The following SORCS2 variants were observed in gnomAD, a reference collection of about 807,000 sequenced individuals.
SORCS2 encodes sortilin related VPS10 domain containing receptor 2, also known as VPS10 domain-containing receptor SorCS2.
A neutral mutation model predicts 141.6 loss-of-function variants in SORCS2; 100 were observed. The ratio of observed to expected loss-of-function variants is 0.71; its 90% CI spans 0.60 to 0.83. SORCS2 has a LOEUF of 0.83. Ranked by LOEUF, SORCS2 falls within the 40% of genes least tolerant of loss-of-function variation. SORCS2 has a pLI of 0.00. For synonymous variants in SORCS2, 789 were observed against 676.9 expected (o/e 1.17, Z -2.57); for missense variants, 1,646 against 1,560.2 (o/e 1.05, Z -0.93).
chr4:7,571,312 G>A (rs895314381), intron 3 of SORCS2, among the ~76,000 whole-genome samples: 14 of 152,210 alleles, frequency 9.2e-5, no homozygotes, highest in Non-Finnish European at 1.3e-4. Context: ...CAGGACCCCT[G>A]TGCCCGGTGG....
At chr4:7,212,361 A>C (rs1728107083) in intron 1 of SORCS2, among the ~76,000 whole-genome samples, 1 of 152,190 alleles carries the variant, frequency 6.6e-6, no homozygotes, top group Non-Finnish European at 1.5e-5. Context: ...GCTGTGTACA[A>C]AAGGATGTGT....
intron 14 of SORCS2, among the ~76,000 whole-genome samples, chr4:7,711,099 G>A (rs987199631): frequency 1.3e-5 from 2 of 152,180 alleles, no homozygotes; most frequent in African/African-American, 4.8e-5. Flanking sequence ...GTCCAGCTAA[G>A]ACAGAGGGAG....
intron 1 of SORCS2, among the ~76,000 whole-genome samples, chr4:7,272,013 G>C (rs55837291): frequency 6.6e-6 from 1 of 152,092 alleles, no homozygotes; most frequent in Admixed American, 6.5e-5. Flanking sequence ...ATATGGGAAG[G>C]GTGTGTGTGC....
chr4:7,391,120 C>T (rs1408016593), intron 1 of SORCS2, among the ~76,000 whole-genome samples: 1 of 152,190 alleles, frequency 6.6e-6, no homozygotes, highest in African/African-American at 2.4e-5. Context: ...AGCCTGGCCA[C>T]CCTGCATCAC....
chr4:7,267,499 C>T (rs182531848), intron 1 of SORCS2, among the ~76,000 whole-genome samples: 4 of 152,094 alleles, frequency 2.6e-5, no homozygotes, highest in South Asian at 2.1e-4. Context: ...AAGCAGAACT[C>T]GCTGGATACA....
At chr4:7,472,592 T>C (rs1730043728) in intron 2 of SORCS2, among the ~76,000 whole-genome samples, 2 of 152,118 alleles carry the variant, frequency 1.3e-5, no homozygotes, top group African/African-American at 2.4e-5. Context: ...ACCCTCTCCC[T>C]CCTGCCCCCT....
At chr4:7,506,719 G>A (rs4689767) in intron 2 of SORCS2, among the ~76,000 whole-genome samples, 79,025 of 152,094 alleles carry the variant, frequency 0.52, 23,469 homozygotes, top group East Asian at 0.93. Flanking sequence ...GACATAGGCT[G>A]TGCATTGACT....
chr4:7,297,011 C>A (rs1196857522), intron 1 of SORCS2, among the ~76,000 whole-genome samples: 8 of 152,200 alleles, frequency 5.3e-5, no homozygotes, highest in Non-Finnish European at 1.2e-4. Context: ...TTTGAACTTG[C>A]AGCCGAACAC....
chr4:7,294,034 C>T (rs1338147556), intron 1 of SORCS2, among the ~76,000 whole-genome samples: 5 of 152,160 alleles, frequency 3.3e-5, no homozygotes, highest in African/African-American at 7.2e-5. Flanking sequence ...CCCCCTGGCT[C>T]TAGTGGCGTG....
At chr4:7,426,733 T>C (rs376905333) in intron 2 of SORCS2, among the ~76,000 whole-genome samples, 6 of 152,148 alleles carry the variant, frequency 3.9e-5, no homozygotes, top group South Asian at 2.1e-4. Flanking sequence ...TGTGTACTTA[T>C]GGGATGCCTG....
rs1287570614 is a variant in SORCS2 at position 7,714,234 on chromosome 4, C to T, written c.1990-6C>T. On this transcript the variant is annotated splice_polypyrimidine_tract_variant and splice_region_variant and intron_variant, in intron 15 of 26. Transcript: ENST00000507866. Reference sequence around the variant, plus strand: ...GCAGCTCCTTACCCTGATGTTCCTGCTGCAGGGCGACCGCTGTATCATGGG... The same window carrying T: ...GCAGCTCCTTACCCTGATGTTCCTGTTGCAGGGCGACCGCTGTATCATGGG... The T allele has an allele frequency of 3.7e-6, 6 of 1,609,374 alleles. No homozygotes were observed. The highest frequency in any genetic ancestry group is 4.2e-6 in the Non-Finnish European group (5 of 1,178,048).
intron 14 of SORCS2, among the ~76,000 whole-genome samples, chr4:7,709,005 C>T (rs1577101371): frequency 6.6e-6 from 1 of 152,182 alleles, no homozygotes; most frequent in African/African-American, 2.4e-5. Flanking sequence ...CCCCGGAGGC[C>T]GTGGTCTGGG....
rs1358257497 is a variant in SORCS2 at position 7,689,543 on chromosome 4, A to T, written c.1546A>T (p.Thr516Ser). 1 of 1,606,864 alleles carries T rather than the reference A, an allele frequency of 6.2e-7. No individual in the cohort carries two copies. The highest frequency in any genetic ancestry group is 1.7e-5 in the Admixed American group (1 of 59,386). Residue 516 changes from threonine (T) to serine (S), a missense_variant, in exon 11 of 27, where the codon ACC becomes TCC. By Grantham distance (58) the Thr-to-Ser change is moderately conservative. Coordinates refer to ENST00000507866, the MANE Select transcript of SORCS2 (RefSeq NM_020777.3). Reference sequence around the variant, plus strand: ...GGCAGACAACCCCTACGTATCAGGCACCGTGCACACCAAGGACACCGCCCC... The same window carrying T: ...GGCAGACAACCCCTACGTATCAGGCTCCGTGCACACCAAGGACACCGCCCC... ...RWADNPYVSG[T>S]VHTKDTAPGL...
intron 1 of SORCS2, among the ~76,000 whole-genome samples, chr4:7,341,548 TG>T (rs1388435842): frequency 2.8e-4 from 43 of 152,324 alleles, no homozygotes; most frequent in African/African-American, 1.0e-3. Context: ...CCATGCTGCC[TG>T]GATGAACAAG....
At chr4:7,607,827 G>A (rs1718157200) in intron 3 of SORCS2, among the ~76,000 whole-genome samples, 1 of 152,036 alleles carries the variant, frequency 6.6e-6, no homozygotes, top group Non-Finnish European at 1.5e-5. Context: ...GCAGAGATAG[G>A]TGCTCCTCAG....
chr4:7,477,349 C>T (rs62277641), intron 2 of SORCS2, among the ~76,000 whole-genome samples: 27 of 147,658 alleles, frequency 1.8e-4, no homozygotes, highest in South Asian at 9.1e-4. Context: ...GGACTGACCA[C>T]AGCTGACTGG....
At chr4:7,440,520 C>G (rs191344627) in intron 2 of SORCS2, among the ~76,000 whole-genome samples, 2 of 152,270 alleles carry the variant, frequency 1.3e-5, no homozygotes, top group Admixed American at 1.3e-4. Context: ...CAGTGCCACA[C>G]GCTACCGTTC....
At chr4:7,603,190 G>T (rs1717852241) in intron 3 of SORCS2, among the ~76,000 whole-genome samples, 1 of 152,036 alleles carries the variant, frequency 6.6e-6, no homozygotes. Context: ...GAGGGGGAGG[G>T]GGAGGGGGAG....
chr4:7,493,388 T>C (rs913495059), intron 2 of SORCS2, among the ~76,000 whole-genome samples: 2 of 152,162 alleles, frequency 1.3e-5, no homozygotes, highest in Admixed American at 1.3e-4. Context: ...AGGAAAGAGG[T>C]TCGTGGAGGG....
Sources: gnomAD v4.1 joint callset for allele counts (sites outside exome capture counted in the v4.1 genomes callset) on GRCh38, gnomAD v4.1.1 for gene constraint, MANE v1.5 for transcripts, NCBI Gene and HGNC (gene_info 2026-07-23, HGNC 2026-07-21) for gene names.